Variants in EFHC1 observed in about 807,000 individuals in gnomAD.
The protein encoded by EFHC1 is EF-hand domain-containing protein 1.
Under a neutral mutation model 69.9 loss-of-function variants are expected in EFHC1, and 53 were observed. That is an observed-to-expected ratio of 0.76 (90% confidence interval 0.61 to 0.95). The LOEUF (loss-of-function observed/expected upper bound fraction) is 0.95. Ranked by LOEUF, EFHC1 falls within the 40% of genes least tolerant of loss-of-function variation. The pLI, the probability that EFHC1 is intolerant of heterozygous loss-of-function variation, is 0.00. For synonymous variants in EFHC1, 256 were observed against 278.4 expected (o/e 0.92, Z 0.80); for missense variants, 739 against 798.7 (o/e 0.93, Z 0.90).
rs376515287 is a variant in EFHC1, at chr6:52,469,488, T to C, written c.1278+15T>C. The C allele has an allele frequency of 6.2e-7, 1 of 1,613,248 alleles. No individual in the cohort carries two copies. Among genetic ancestry groups the C allele is most frequent in the African/African-American group, 1.3e-5 (1 of 74,912 alleles). ...TGGCTGTACTGGTGAGGCTAATTTTTATATACTAAAGATTCTCTTCTATCT... is the reference window on the plus strand; with the variant it reads ...TGGCTGTACTGGTGAGGCTAATTTTCATATACTAAAGATTCTCTTCTATCT... On this transcript the variant is annotated intron_variant, in intron 7 of 10. Coordinates refer to ENST00000371068, the MANE Select transcript of EFHC1 (RefSeq NM_018100.4).
At chr6:52,466,091 T>G (rs192181480) in intron 6 of EFHC1, among the ~76,000 whole-genome samples, 1 of 152,182 alleles carries the variant, frequency 6.6e-6, no homozygotes, top group Non-Finnish European at 1.5e-5. Flanking sequence ...TGATATCCAC[T>G]CATGAAATGG....
At chr6:52,438,621 G>A (rs901831641) in intron 3 of EFHC1, 30 bp downstream of exon 3, 24 of 1,609,302 alleles carry the variant, frequency 1.5e-5, no homozygotes, top group Non-Finnish European at 1.9e-5. Context: ...AAGTTGTGGG[G>A]TCTGAGGCAT....
intron 3 of EFHC1, among the ~76,000 whole-genome samples, chr6:52,440,049 C>G (rs1267661212): frequency 6.6e-6 from 1 of 152,070 alleles, no homozygotes; most frequent in Non-Finnish European, 1.5e-5. Flanking sequence ...AATCACTGAG[C>G]GTTTGACCTA....
chr6:52,451,377 T>A (rs1221886611), intron 3 of EFHC1, among the ~76,000 whole-genome samples: 1 of 152,240 alleles, frequency 6.6e-6, no homozygotes, highest in African/African-American at 2.4e-5. Flanking sequence ...GGATCTTATT[T>A]CTCCTTTGCT....
At chr6:52,423,331 G>C (rs942422795) in intron 1 of EFHC1, among the ~76,000 whole-genome samples, 4 of 152,164 alleles carry the variant, frequency 2.6e-5, no homozygotes, top group African/African-American at 9.7e-5. Flanking sequence ...AAACTTAAGA[G>C]TATAGATGAG....
chr6:52,447,415 G>C (rs1275238319), intron 3 of EFHC1, among the ~76,000 whole-genome samples: 1 of 152,126 alleles, frequency 6.6e-6, no homozygotes, highest in East Asian at 1.9e-4. Context: ...AGCTCCATCA[G>C]GTCATGTAAG....
In EFHC1 at chr6:52,464,805, G is replaced by T. The variant is rs147235722; in HGVS notation, c.917-90G>T. On this transcript the variant is annotated intron_variant, in intron 5 of 10. Coordinates refer to ENST00000371068, the MANE Select transcript of EFHC1 (RefSeq NM_018100.4). The stretch of plus-strand genomic sequence containing the variant: ...CAGAGCAAAAGACTGCACTCCCTCA[G>T]GTTCTCAAGAATGCCTGGCAGTTGT... The T allele has an allele frequency of 3.1e-5, 35 of 1,124,218 alleles. No individual in the cohort carries two copies. The Middle Eastern group carries it at 6.9e-4, about 22-fold the overall frequency. The allele number at this position is 1,124,218 out of a possible 1,614,324, so 69.6% of individuals were successfully genotyped here. A position where few individuals can be genotyped will look rare whatever the true frequency, so the allele number is the denominator to read the frequency against.
At position 52,438,566 on chromosome 6, in the gene EFHC1, T is replaced by A; in HGVS notation, c.548T>A (p.Val183Asp). 1 of 1,614,048 alleles carries A rather than the reference T, an allele frequency of 6.2e-7. No homozygotes were observed. Among genetic ancestry groups the A allele is most frequent in the Non-Finnish European group, 8.5e-7 (1 of 1,179,922 alleles). Residue 183 changes from valine (V) to aspartate (D), a missense_variant, in exon 3 of 11, where the codon GTT becomes GAT. Val to Asp is a radical substitution (Grantham distance 152). Coordinates refer to ENST00000371068, the MANE Select transcript of EFHC1 (RefSeq NM_018100.4). Reference protein sequence around the residue: ...NITIYGKTFRVVDCDQFTQVF... With the variant: ...NITIYGKTFRDVDCDQFTQVF... ...ACAATTTATGGCAAAACTTTCCGCG[T>A]TGTTGACTGTGACCAATTCACACAG...
chr6:52,437,628 T>A (rs1764561524), intron 2 of EFHC1: 1 of 152,320 alleles, frequency 6.6e-6, no homozygotes, highest in African/African-American at 2.4e-5. Context: ...GCTCTCTTCC[T>A]GGCTTGCATA....
rs1764942062 is a variant in EFHC1, at chr6:52,452,721, C to T, written c.607C>T (p.Pro203Ser). The change falls in exon 4 of 11, where the codon CCA (proline) becomes TCA (serine). Residue 203 changes from proline (P) to serine (S), a missense_variant. Pro to Ser is a moderately conservative substitution (Grantham distance 74). Coordinates refer to ENST00000371068, the MANE Select transcript of EFHC1 (RefSeq NM_018100.4). ...FLESQGIELN[P>S]PEKMALDPYT... ...AGAAAGCCAAGGAATTGAGTTAAAT[C>T]CACCAGAGAAGATGGCTCTTGATCC... is the stretch of plus-strand genomic sequence containing the variant. 1 of 1,614,056 alleles carries T rather than the reference C, an allele frequency of 6.2e-7. No individual in the cohort carries two copies. The highest frequency in any genetic ancestry group is 1.3e-5 in the African/African-American group (1 of 74,920).
At chr6:52,478,613 C>T (rs1006900318) in intron 7 of EFHC1, among the ~76,000 whole-genome samples, 3 of 152,114 alleles carry the variant, frequency 2.0e-5, no homozygotes, top group Non-Finnish European at 4.4e-5. Context: ...ATAATGTCAG[C>T]CAACAGGTCT....
intron 2 of EFHC1, among the ~76,000 whole-genome samples, chr6:52,429,799 A>T (rs1375914551): frequency 1.3e-5 from 2 of 152,076 alleles, no homozygotes; most frequent in Non-Finnish European, 2.9e-5. Flanking sequence ...GGTCATTTTC[A>T]CAATGTTGAT....
chr6:52,441,866 T>C (rs768541148), intron 3 of EFHC1, among the ~76,000 whole-genome samples: 6 of 152,212 alleles, frequency 3.9e-5, no homozygotes, highest in Non-Finnish European at 7.3e-5. Flanking sequence ...GTGACAGTTG[T>C]AAATGGGATT....
chr6:52,489,663 G>T (rs1472576166), intron 9 of EFHC1, among the ~76,000 whole-genome samples: 1 of 152,150 alleles, frequency 6.6e-6, no homozygotes, highest in Non-Finnish European at 1.5e-5. Flanking sequence ...ACAAAATTCA[G>T]TGTGAATTGG....
At position 52,420,601 on chromosome 6, in the gene EFHC1, G is replaced by C. The variant is rs1764167801; in HGVS notation, c.63+128G>C. On this transcript the variant is annotated intron_variant, in intron 1 of 10. Coordinates refer to ENST00000371068, the MANE Select transcript of EFHC1 (RefSeq NM_018100.4). ...TCTCTCCAAACACGTCTTCTGTCCT[G>C]ACCCTGTTCTTTATTCTGGGCCGAA... The C allele has an allele frequency of 7.9e-6, 9 of 1,141,420 alleles. No individual in the cohort carries two copies. The South Asian group carries it at 1.0e-4, about 13-fold the overall frequency. The allele number at this position is 1,141,420 out of a possible 1,614,324, so 70.7% of individuals were successfully genotyped here. A position where few individuals can be genotyped will look rare whatever the true frequency, so the allele number is the denominator to read the frequency against.
chr6:52,422,641 A>G (rs778632331), intron 1 of EFHC1, among the ~76,000 whole-genome samples: 1 of 152,184 alleles, frequency 6.6e-6, no homozygotes, highest in African/African-American at 2.4e-5. Flanking sequence ...ATCTATGTAT[A>G]TATTTGAATA....
chr6:52,490,235 T>C lies in EFHC1; in HGVS notation c.1736T>C (p.Ile579Thr). 6.2e-7 allele frequency: 1 copy of C among 1,614,092 alleles called. No homozygotes were observed. The highest frequency in any genetic ancestry group is 2.2e-5 in the East Asian group (1 of 44,884). ...QLKDHSCKDN[I>T]REAFQIYDKE... ...AAAGATCACTCATGCAAAGACAACA[T>C]TCGTGAGGCATTTCAAATTTATGAC... Residue 579 changes from isoleucine to threonine, a missense_variant, in exon 10 of 11, where the codon ATT becomes ACT. Ile to Thr is a moderately conservative substitution (Grantham distance 89). Coordinates refer to ENST00000371068, the MANE Select transcript of EFHC1 (RefSeq NM_018100.4).
intron 7 of EFHC1, among the ~76,000 whole-genome samples, chr6:52,471,380 A>G (rs1349352475): frequency 1.3e-5 from 2 of 152,222 alleles, no homozygotes; most frequent in African/African-American, 4.8e-5. Context: ...GAAGCAAACA[A>G]ATTCTCTGCA....
chr6:52,441,316 G>C (rs1277316494), intron 3 of EFHC1, among the ~76,000 whole-genome samples: 1 of 152,034 alleles, frequency 6.6e-6, no homozygotes, highest in Non-Finnish European at 1.5e-5. Context: ...TTTATATCTG[G>C]TGTAAGATAT....
Sources: gnomAD v4.1 joint callset for allele counts (sites outside exome capture counted in the v4.1 genomes callset) on GRCh38, gnomAD v4.1.1 for gene constraint, MANE v1.5 for transcripts, NCBI Gene and HGNC (gene_info 2026-07-23, HGNC 2026-07-21) for gene names.